The following BZW2 variants were observed in gnomAD, a reference collection of about 807,000 sequenced individuals.
The protein encoded by BZW2 is basic leucine zipper and W2 domains 2.
A neutral mutation model predicts 53.2 loss-of-function variants in BZW2; 23 were observed. The ratio of observed to expected loss-of-function variants is 0.43; its 90% CI spans 0.31 to 0.61. The LOEUF (loss-of-function observed/expected upper bound fraction) is 0.61, where lower values mean the gene tolerates loss of function less well. Ranked by LOEUF, BZW2 falls within the 20% of genes least tolerant of loss-of-function variation. The pLI is 0.09. For synonymous variants in BZW2, 227 were observed against 186.4 expected (o/e 1.22, Z -1.77); for missense variants, 409 against 503.1 (o/e 0.81, Z 1.79).
chr7:16,652,586 G>A (rs1421626617), intron 1 of BZW2, among the ~76,000 whole-genome samples: 4 of 151,866 alleles, frequency 2.6e-5, no homozygotes, highest in African/African-American at 7.3e-5. Flanking sequence ...GTGTGATCTC[G>A]GCTGACTGGC....
chr7:16,687,217 A>G (rs1783154130), intron 6 of BZW2: 1 of 152,198 alleles, frequency 6.6e-6, no homozygotes, highest in East Asian at 1.9e-4. Flanking sequence ...TAGAAACTAG[A>G]TGGTGGGCAT....
chr7:16,648,575 A>G (rs369708175), intron 1 of BZW2, among the ~76,000 whole-genome samples: 15 of 152,220 alleles, frequency 9.9e-5, no homozygotes, highest in African/African-American at 3.4e-4. Context: ...TACCAGTTCA[A>G]TAAACATTGA....
At chr7:16,650,596 CA>C (rs1334778321) in intron 1 of BZW2, among the ~76,000 whole-genome samples, 1 of 152,116 alleles carries the variant, frequency 6.6e-6, no homozygotes, top group Non-Finnish European at 1.5e-5. Context: ...TTGATCTTTA[CA>C]ATTTTTTATT....
rs115975073 is a variant in BZW2 at position 16,653,797 on chromosome 7, C to G, written c.-8+7509C>G. Among the ~76,000 whole-genome samples, 1,435 of 152,212 alleles carry G rather than the reference C, an allele frequency of 9.4e-3. 18 individuals are homozygous for G. Among genetic ancestry groups the G allele is most frequent in the African/African-American group, 0.031 (1,307 of 41,526 alleles). On this transcript the variant is annotated intron_variant, in intron 1 of 11. Transcript: ENST00000258761. ...GTTAAAGGGTTTAAATTATTATCAT[C>G]TCCATGGAGTGGGGCTAGGATATAA...
At chr7:16,703,290 T>C (rs1562500360) in intron 10 of BZW2, among the ~76,000 whole-genome samples, 1 of 152,238 alleles carries the variant, frequency 6.6e-6, no homozygotes, top group Admixed American at 6.5e-5. Context: ...TTAGTGATGA[T>C]AATAAACATG....
intron 5 of BZW2, among the ~76,000 whole-genome samples, chr7:16,685,444 T>G (rs945195214): frequency 3.3e-5 from 5 of 152,142 alleles, no homozygotes; most frequent in Admixed American, 3.3e-4. Context: ...GGGCTTTTTT[T>G]TGTTTCTATG....
At chr7:16,682,923 C>A (rs879042874) in intron 5 of BZW2, 78 bp downstream of exon 5, 3 of 924,902 alleles carry the variant, frequency 3.2e-6, no homozygotes, top group Non-Finnish European at 4.7e-6. Flanking sequence ...AGTGGCCGGA[C>A]ACGGTGGCTC....
chr7:16,702,487 G>T (rs1476283176), intron 10 of BZW2, among the ~76,000 whole-genome samples: 4 of 151,996 alleles, frequency 2.6e-5, no homozygotes, highest in Non-Finnish European at 5.9e-5. Context: ...CTCAATTAAT[G>T]GTAACTTAAG....
At chr7:16,669,101 C>G (rs1426084856) in intron 2 of BZW2, among the ~76,000 whole-genome samples, 1 of 152,154 alleles carries the variant, frequency 6.6e-6, no homozygotes, top group Non-Finnish European at 1.5e-5. Flanking sequence ...AGGTTTCTCC[C>G]TGAGACTTTA....
At position 16,682,553 on chromosome 7, in the gene BZW2, A is replaced by T. The variant is rs923783562; in HGVS notation, c.340-227A>T. ...TCGAATTTTTTTTTCTACCTGCTAT[A>T]TTCTTGAATGAATTTGTTTTATCTT... On this transcript the variant is annotated intron_variant, in intron 4 of 11. Transcript: ENST00000258761. Among the ~76,000 whole-genome samples the T allele has an allele frequency of 1.9e-4, 29 of 152,016 alleles. 1 individual carries two copies. The highest frequency in any genetic ancestry group is 5.9e-5 in the Non-Finnish European group (4 of 68,004).
rs1225220002 is a variant in BZW2, at chr7:16,706,486, C to G, written c.*398C>G. ...CTGCTCATGTATGTGATTTGACAAACCAGTTTTTTAAAATAAATGGCTTTT... is the reference window on the plus strand; with the variant it reads ...CTGCTCATGTATGTGATTTGACAAAGCAGTTTTTTAAAATAAATGGCTTTT... On this transcript the variant is annotated 3_prime_UTR_variant, in exon 12 of 12. Coordinates refer to ENST00000258761, the MANE Select transcript of BZW2 (RefSeq NM_014038.3). 6.0e-6 allele frequency: 1 copy of G among 165,580 alleles called. No homozygotes were observed. Among genetic ancestry groups the G allele is most frequent in the East Asian group, 1.7e-4 (1 of 6,010 alleles). The allele number at this position is 165,580 out of a possible 1,614,324, so 10.3% of individuals were successfully genotyped here.
At chr7:16,704,092 T>A (rs1783758515) in intron 10 of BZW2, among the ~76,000 whole-genome samples, 1 of 152,196 alleles carries the variant, frequency 6.6e-6, no homozygotes, top group African/African-American at 2.4e-5. Context: ...TTTTCCTTTG[T>A]CATTTTTCTC....
chr7:16,704,557 G>T lies in BZW2; in HGVS notation c.1119G>T (p.Leu373=). 2 of 1,553,654 alleles carry T rather than the reference G, an allele frequency of 1.3e-6. No homozygotes were observed. The highest frequency in any genetic ancestry group is 2.4e-5 in the South Asian group (2 of 84,440). ...IVVLFYKADV[L]SEEAILKWYK... is the part of the protein sequence containing the mutation. ...GATTTAAAATTGCAGCTGATGTTCT[G>T]AGCGAAGAAGCAATACTGAAATGGT... Residue 373 remains leucine (L), a synonymous_variant, in exon 11 of 12, where the codon CTG becomes CTT. Transcript: ENST00000258761.
Position 16,694,950 on chromosome 7 carries a change from G to T in BZW2, c.768G>T (p.Lys256Asn). Reference protein sequence around the residue: ...LRVQQSLGTRKELQKELQERL... With the variant: ...LRVQQSLGTRNELQKELQERL... Reference sequence around the variant, plus strand: ...TCCAGCAGTCCCTGGGCACCAGGAAGGAACTGCAGAAGGAGCTCCAGGAGC... The same window carrying T: ...TCCAGCAGTCCCTGGGCACCAGGAATGAACTGCAGAAGGAGCTCCAGGAGC... Residue 256 changes from lysine (K) to asparagine (N), a missense_variant, in exon 8 of 12, where the codon AAG (lysine) becomes AAT (asparagine). Transcript: ENST00000258761. 6.3e-7 allele frequency: 1 copy of T among 1,596,580 alleles called. No homozygotes were observed. Among genetic ancestry groups the T allele is most frequent in the Non-Finnish European group, 8.6e-7 (1 of 1,166,430 alleles).
intron 3 of BZW2, among the ~76,000 whole-genome samples, chr7:16,676,208 G>A (rs1251003747): frequency 6.6e-6 from 1 of 152,168 alleles, no homozygotes; most frequent in African/African-American, 2.4e-5. Context: ...ACCCATCAGT[G>A]TTATACTGGA....
At chr7:16,683,553 A>G (rs1783019980) in intron 5 of BZW2, among the ~76,000 whole-genome samples, 1 of 152,248 alleles carries the variant, frequency 6.6e-6, no homozygotes, top group African/African-American at 2.4e-5. Context: ...TATGCAGTTT[A>G]GCAAAGGGAA....
At chr7:16,648,497 G>A (rs771304165) in intron 1 of BZW2, among the ~76,000 whole-genome samples, 1 of 152,194 alleles carries the variant, frequency 6.6e-6, no homozygotes, top group Admixed American at 6.5e-5. Context: ...CCACTCTAGA[G>A]CTATTGCAAT....
chr7:16,663,326 G>A (rs1336486332), intron 1 of BZW2, among the ~76,000 whole-genome samples: 1 of 152,072 alleles, frequency 6.6e-6, no homozygotes, highest in Non-Finnish European at 1.5e-5. Flanking sequence ...TGAGTTTCTC[G>A]AGGGCATGGA....
At chr7:16,690,448 G>A (rs1316173291) in intron 7 of BZW2, among the ~76,000 whole-genome samples, 8 of 151,780 alleles carry the variant, frequency 5.3e-5, no homozygotes, top group Non-Finnish European at 1.2e-4. Flanking sequence ...CAAGTAATCC[G>A]CCCACCTCAG....
Sources: allele counts gnomAD v4.1 joint callset (sites outside exome capture counted in the v4.1 genomes callset), GRCh38; gene constraint gnomAD v4.1.1; transcripts MANE v1.5; gene names NCBI Gene and HGNC (gene_info 2026-07-23, HGNC 2026-07-21).